Variants in ASIC2 observed in about 807,000 individuals in gnomAD.
The protein encoded by ASIC2 is acid sensing ion channel subunit 2.
ASIC2 carries 25 observed loss-of-function variants against 57.3 expected under a neutral mutation model. That is an observed-to-expected ratio of 0.44 (90% CI 0.32 to 0.61). The LOEUF (loss-of-function observed/expected upper bound fraction) is 0.61, where lower values mean the gene tolerates loss of function less well. Among genes scored for constraint, ASIC2 ranks in the 20% least tolerant of loss-of-function variants. The pLI, the probability that ASIC2 is intolerant of heterozygous loss-of-function variation, is 0.06. For synonymous variants in ASIC2, 319 were observed against 307.5 expected, an observed-to-expected ratio of 1.04 and a Z score of -0.39; for missense variants, 641 against 738.1, an observed-to-expected ratio of 0.87 and a Z score of 1.52.
intron 1 of ASIC2, among the ~76,000 whole-genome samples, chr17:33,978,875 G>A (rs969905725): frequency 1.3e-5 from 2 of 152,146 alleles, no homozygotes; most frequent in African/African-American, 4.8e-5. Flanking sequence ...ATGGGTCATA[G>A]ATAAAACCAA....
intron 1 of ASIC2, among the ~76,000 whole-genome samples, chr17:33,832,056 C>T (rs968225072): frequency 5.2e-4 from 79 of 152,174 alleles, no homozygotes; most frequent in African/African-American, 1.6e-3. Flanking sequence ...TCACTATCAA[C>T]AGAAAGGGAA....
intron 1 of ASIC2, among the ~76,000 whole-genome samples, chr17:33,360,372 G>A (rs1430787830): frequency 6.6e-6 from 1 of 152,174 alleles, no homozygotes; most frequent in African/African-American, 2.4e-5. Flanking sequence ...GACCTGCCTT[G>A]TTGGGAGACC....
intron 1 of ASIC2, among the ~76,000 whole-genome samples, chr17:33,167,232 T>C (rs1057418372): frequency 2.0e-5 from 3 of 151,566 alleles, no homozygotes; most frequent in Non-Finnish European, 2.9e-5. Context: ...CACTGCTTCC[T>C]CCTACTTGCC....
chr17:33,368,505 G>A (rs191041461), intron 1 of ASIC2, among the ~76,000 whole-genome samples: 1 of 152,336 alleles, frequency 6.6e-6, no homozygotes, highest in East Asian at 1.9e-4. Context: ...GAGGGCATGA[G>A]TTTAATAGAT....
intron 1 of ASIC2, among the ~76,000 whole-genome samples, chr17:33,736,317 C>T (rs114436510): frequency 0.017 from 2,616 of 152,062 alleles, 67 homozygotes; most frequent in African/African-American, 0.056. Flanking sequence ...GCGATAAAAG[C>T]TCAGCCTGCT....
chr17:33,758,688 G>T (rs1910686542), intron 1 of ASIC2, among the ~76,000 whole-genome samples: 1 of 152,072 alleles, frequency 6.6e-6, no homozygotes, highest in African/African-American at 2.4e-5. Flanking sequence ...AGAAGAGAAA[G>T]GGCATCCTGA....
intron 1 of ASIC2, among the ~76,000 whole-genome samples, chr17:33,230,159 C>T (rs1003217385): frequency 3.9e-5 from 6 of 152,236 alleles, no homozygotes; most frequent in African/African-American, 9.6e-5. Context: ...AGGCACAGGA[C>T]TACCTTCCAC....
Position 33,416,440 on chromosome 17 carries a change from GGGCCTTCCTCTTT to G in ASIC2, c.556-304386_556-304374del, listed in dbSNP as rs1186098745. Among the ~76,000 whole-genome samples, 27 of 152,158 alleles carry G rather than the reference GGGCCTTCCTCTTT, an allele frequency of 1.8e-4. 1 individual carries two copies. The highest frequency in any genetic ancestry group is 2.6e-4 in the Non-Finnish European group (18 of 68,038). ...ACCAATCTTCTCTGCCTCCTCCCAT[GGGCCTTCCTCTTT>G]GCTGACTGGTTACTGGTTTTAATTT... On this transcript the variant is annotated intron_variant, in intron 1 of 9. Transcript: ENST00000359872.
intron 1 of ASIC2, among the ~76,000 whole-genome samples, chr17:33,477,902 G>A (rs932410590): frequency 2.6e-5 from 4 of 152,244 alleles, no homozygotes; most frequent in Non-Finnish European, 5.9e-5. Flanking sequence ...TTGAGGATGT[G>A]CCAAGTAATC....
At chr17:33,981,703 G>C (rs185843291) in intron 1 of ASIC2, among the ~76,000 whole-genome samples, 1 of 147,572 alleles carries the variant, frequency 6.8e-6, no homozygotes, top group South Asian at 2.3e-4. Flanking sequence ...AGGGAGGGGG[G>C]GAAGATTAGC....
At chr17:33,399,609 C>G (rs1910208958) in intron 1 of ASIC2, among the ~76,000 whole-genome samples, 1 of 152,228 alleles carries the variant, frequency 6.6e-6, no homozygotes, top group African/African-American at 2.4e-5. Flanking sequence ...GTCCAGACCT[C>G]ATCAGTCACT....
chr17:33,578,958 T>G (rs536892160), intron 1 of ASIC2, among the ~76,000 whole-genome samples: 1 of 152,274 alleles, frequency 6.6e-6, no homozygotes, highest in African/African-American at 2.4e-5. Context: ...CATCCTCACC[T>G]GGTCCTAGGG....
rs563535846 is a variant in ASIC2 at position 33,214,414 on chromosome 17, T to C, written c.708+76994A>G. 5.8e-4 allele frequency among the ~76,000 whole-genome samples: 89 copies of C among 152,292 alleles called. 1 individual carries two copies. In the South Asian group the frequency reaches 0.011, roughly 18 times the overall value. On this transcript the variant is annotated intron_variant, in intron 1 of 9. Transcript: ENST00000225823. ...CTAAGGGAATAGGTGAATCTGCTCA[T>C]CCTCTCTGTCCTCTGGAGCTGGCAG...
intron 1 of ASIC2, among the ~76,000 whole-genome samples, chr17:33,392,342 C>G (rs531025286): frequency 6.6e-6 from 1 of 151,762 alleles, no homozygotes; most frequent in Admixed American, 6.6e-5. Flanking sequence ...CCCACTGCAA[C>G]CTCCACCATC....
chr17:33,719,421 G>A (rs1909318081), intron 1 of ASIC2, among the ~76,000 whole-genome samples: 1 of 152,214 alleles, frequency 6.6e-6, no homozygotes, highest in African/African-American at 2.4e-5. Flanking sequence ...CTGCATGGCT[G>A]CTGCTAGCGC....
At chr17:33,045,360 T>G (rs533479907) in intron 3 of ASIC2, among the ~76,000 whole-genome samples, 36 of 152,286 alleles carry the variant, frequency 2.4e-4, no homozygotes, top group African/African-American at 8.7e-4. Context: ...CGGGACACAA[T>G]TTCTTGGGCG....
At chr17:34,153,328 T>C (rs1904596473) in intron 1 of ASIC2, among the ~76,000 whole-genome samples, 1 of 152,178 alleles carries the variant, frequency 6.6e-6, no homozygotes, top group African/African-American at 2.4e-5. Flanking sequence ...GGTACAATCC[T>C]AGATAGAGCC....
chr17:33,026,116 C>T (rs557978857), intron 4 of ASIC2, 134 bp from the exon 5 acceptor site: 166 of 862,680 alleles, frequency 1.9e-4, no homozygotes, highest in South Asian at 1.5e-3. Flanking sequence ...GTGGGCAGTT[C>T]GAAGGGAGCC....
chr17:33,088,276 T>A (rs934298261), intron 3 of ASIC2, among the ~76,000 whole-genome samples: 1 of 152,198 alleles, frequency 6.6e-6, no homozygotes, highest in Non-Finnish European at 1.5e-5. Flanking sequence ...GTCTCCCTTT[T>A]GAGATGTAAG....
Sources: gnomAD v4.1 joint callset for allele counts (sites outside exome capture counted in the v4.1 genomes callset) on GRCh38, gnomAD v4.1.1 for gene constraint, MANE v1.5 for transcripts, NCBI Gene and HGNC (gene_info 2026-07-23, HGNC 2026-07-21) for gene names.